Variants in NDRG1 observed in about 807,000 individuals in gnomAD.
NDRG1 encodes the protein protein NDRG1.
In NDRG1, 32 loss-of-function variants were observed where a neutral mutation model predicts 56.9. The ratio of observed to expected loss-of-function variants is 0.56; its 90% CI spans 0.42 to 0.76. The LOEUF is 0.76. Among genes scored for constraint, NDRG1 ranks in the 30% least tolerant of loss-of-function variants. The pLI, the probability that NDRG1 is intolerant of heterozygous loss-of-function variation, is 0.00. For missense variants in NDRG1, 507 were observed against 545.7 expected, an observed-to-expected ratio of 0.93 and a Z score of 0.71; for synonymous variants, 211 against 204.1, an observed-to-expected ratio of 1.03 and a Z score of -0.29.
intron 3 of NDRG1, among the ~76,000 whole-genome samples, chr8:133,275,222 G>A (rs947949422): frequency 2.0e-5 from 3 of 152,208 alleles, no homozygotes; most frequent in Admixed American, 1.3e-4. Flanking sequence ...TCTGGGGGAC[G>A]CTTTCATCAA....
At chr8:133,276,420 C>T (rs561828134) in intron 3 of NDRG1, among the ~76,000 whole-genome samples, 13 of 152,314 alleles carry the variant, frequency 8.5e-5, no homozygotes, top group African/African-American at 3.1e-4. Context: ...ACCATATGAT[C>T]CAGTGATAGG....
intron 14 of NDRG1, among the ~76,000 whole-genome samples, chr8:133,243,837 G>A (rs1214663226): frequency 6.6e-6 from 1 of 152,192 alleles, no homozygotes; most frequent in Non-Finnish European, 1.5e-5. Context: ...TATAGGAGGG[G>A]AAATTGAAGG....
At chr8:133,257,152 C>T (rs1255652634) in intron 7 of NDRG1, among the ~76,000 whole-genome samples, 1 of 152,202 alleles carries the variant, frequency 6.6e-6, no homozygotes, top group Non-Finnish European at 1.5e-5. Flanking sequence ...CACGGAGGCT[C>T]AGCTTCTCCA....
At chr8:133,243,144 C>A (rs1855478904) in intron 14 of NDRG1, among the ~76,000 whole-genome samples, 1 of 152,208 alleles carries the variant, frequency 6.6e-6, no homozygotes, top group African/African-American at 2.4e-5. Flanking sequence ...GCTGACCCCC[C>A]TCCCTGCTCT....
At chr8:133,267,771 A>G (rs1856993080) in intron 3 of NDRG1, among the ~76,000 whole-genome samples, 1 of 151,668 alleles carries the variant, frequency 6.6e-6, no homozygotes, top group Non-Finnish European at 1.5e-5. Context: ...CCACTCCCCA[A>G]CCTCCGAGCC....
rs2130727461 is a variant in NDRG1, at chr8:133,259,207, T to A, written c.350A>T (p.Gln117Leu). Residue 117 changes from glutamine (Q) to leucine (L), a missense_variant, in exon 6 of 16, where the codon CAG (glutamine) becomes CTG (leucine). Transcript: ENST00000323851. Reference sequence around the variant, plus strand: ...GACTCCAGGAAGCATTTCAGCCAGCTGATCCATGGAGGGGTACATGTACCT... The same window carrying A: ...GACTCCAGGAAGCATTTCAGCCAGCAGATCCATGGAGGGGTACATGTACCT... ...PAGYMYPSMD[Q>L]LAEMLPGVLQ... 1 of 1,614,238 alleles carries A rather than the reference T, an allele frequency of 6.2e-7. No homozygotes were observed. Among genetic ancestry groups the A allele is most frequent in the African/African-American group, 1.3e-5 (1 of 75,072 alleles).
intron 9 of NDRG1, 111 bp from the exon 10 acceptor site, chr8:133,250,654 T>C: frequency 1.1e-6 from 1 of 944,882 alleles, no homozygotes; most frequent in Non-Finnish European, 1.7e-6. Flanking sequence ...TAATAATGCC[T>C]AATCCACAAG....
At position 133,268,114 on chromosome 8, in the gene NDRG1, C is replaced by T. The variant is rs556497947; in HGVS notation, c.100-3462G>A. On this transcript the variant is annotated intron_variant, in intron 3 of 15. Coordinates refer to ENST00000323851, the MANE Select transcript of NDRG1 (RefSeq NM_006096.4). ...GGAAAGGCTGCCTAGGTCTCACTCA[C>T]TTTCTGTCCACAGGCCTCTGCATAG... 2.4e-4 allele frequency among the ~76,000 whole-genome samples: 37 copies of T among 152,266 alleles called. No individual in the cohort carries two copies. In the South Asian group the frequency reaches 7.5e-3, roughly 31 times the overall value.
chr8:133,282,177 G>A (rs559072193), intron 2 of NDRG1, among the ~76,000 whole-genome samples: 3 of 152,134 alleles, frequency 2.0e-5, no homozygotes, highest in Admixed American at 2.0e-4. Context: ...TAGGCTGCCC[G>A]AAATAAATAA....
rs1287526687 is a variant in NDRG1, at chr8:133,244,712, A to G, written c.856-322T>C. The G allele has an allele frequency of 7.9e-6, 4 of 503,402 alleles. No homozygotes were observed. In the East Asian group the frequency reaches 1.1e-4, roughly 14 times the overall value. The allele number at this position is 503,402 out of a possible 1,614,324, so 31.2% of individuals were successfully genotyped here. A position where few individuals can be genotyped will look rare whatever the true frequency, so the allele number is the denominator to read the frequency against. ...TTTACAGGCAGAAACTGGGCCAGGA[A>G]GAGCTTGAGGGACTCGCAAGGTTCC... On this transcript the variant is annotated intron_variant, in intron 13 of 15. Transcript: ENST00000323851.
At chr8:133,271,435 T>C (rs1040987994) in intron 3 of NDRG1, among the ~76,000 whole-genome samples, 5 of 151,892 alleles carry the variant, frequency 3.3e-5, no homozygotes, top group African/African-American at 1.2e-4. Context: ...AATGATACAC[T>C]CCTCCCCCTA....
intron 7 of NDRG1, among the ~76,000 whole-genome samples, chr8:133,257,770 C>A (rs1287838833): frequency 2.6e-5 from 4 of 152,150 alleles, no homozygotes; most frequent in African/African-American, 4.8e-5. Flanking sequence ...ATTTTGTATT[C>A]ATGTCAGCAT....
chr8:133,252,638 C>T (rs1213498817), intron 9 of NDRG1, among the ~76,000 whole-genome samples: 1 of 125,390 alleles, frequency 8.0e-6, no homozygotes, highest in Non-Finnish European at 1.8e-5. Flanking sequence ...CTGTTTCCCT[C>T]GTACACTCGC....
chr8:133,256,063 G>C (rs3779935), intron 8 of NDRG1: 21,030 of 152,692 alleles, frequency 0.14, 1,479 homozygotes, highest in South Asian at 0.19. Context: ...GGAGCCCCAG[G>C]GGCACGGGTG....
At chr8:133,291,954 GA>G (rs1858453804) in intron 1 of NDRG1, among the ~76,000 whole-genome samples, 2 of 152,186 alleles carry the variant, frequency 1.3e-5, no homozygotes, top group Non-Finnish European at 2.9e-5. Context: ...ACAACAGCAG[GA>G]AGAGGGAGGT....
At chr8:133,276,847 C>T (rs113700742) in intron 3 of NDRG1, among the ~76,000 whole-genome samples, 1 of 152,162 alleles carries the variant, frequency 6.6e-6, no homozygotes, top group Non-Finnish European at 1.5e-5. Flanking sequence ...GTATATGTCC[C>T]CCAAAACTGA....
chr8:133,284,643 C>A (rs1402000771), intron 1 of NDRG1: 1 of 471,634 alleles, frequency 2.1e-6, no homozygotes, highest in East Asian at 4.7e-5. Context: ...GCCCACCCAC[C>A]ATACCCAGGA....
intron 1 of NDRG1, among the ~76,000 whole-genome samples, chr8:133,292,273 C>T (rs150792757): frequency 1.3e-4 from 20 of 152,274 alleles, no homozygotes; most frequent in Non-Finnish European, 2.5e-4. Context: ...CCCTTTGTCC[C>T]GAGATGGGAT....
rs76446170 is a variant in NDRG1 at position 133,249,926 on chromosome 8, A to G, written c.698+514T>C. On this transcript the variant is annotated intron_variant, in intron 10 of 15. Coordinates refer to ENST00000323851, the MANE Select transcript of NDRG1 (RefSeq NM_006096.4). Reference sequence around the variant, plus strand: ...ATTACAGAGTCTCTGGCTGACACCAATGGCCCTGAGCTGTCTCCTCCCCTA... The same window carrying G: ...ATTACAGAGTCTCTGGCTGACACCAGTGGCCCTGAGCTGTCTCCTCCCCTA... 5.0e-3 allele frequency among the ~76,000 whole-genome samples: 766 copies of G among 152,294 alleles called. 6 individuals are homozygous for G. Among genetic ancestry groups the G allele is most frequent in the African/African-American group, 0.017 (711 of 41,568 alleles).
Sources: allele counts gnomAD v4.1 joint callset (sites outside exome capture counted in the v4.1 genomes callset), GRCh38; gene constraint gnomAD v4.1.1; transcripts MANE v1.5; gene names NCBI Gene and HGNC (gene_info 2026-07-23, HGNC 2026-07-21).